The following SP110 variants were observed in gnomAD, a reference collection of about 807,000 sequenced individuals.
The protein encoded by SP110 is interferon-induced protein 41, 30kD.
Under a neutral mutation model 92.7 loss-of-function variants are expected in SP110, and 62 were observed. That is an observed-to-expected ratio of 0.67 (90% CI 0.55 to 0.83). The LOEUF (loss-of-function observed/expected upper bound fraction) is 0.83, where lower values mean the gene tolerates loss of function less well. Among genes scored for constraint, SP110 ranks in the 40% least tolerant of loss-of-function variants. SP110 has a pLI of 0.00. For missense variants in SP110, 793 were observed against 863.9 expected (o/e 0.92, Z 1.03); for synonymous variants, 273 against 305.3 (o/e 0.89, Z 1.10).
chr2:230,212,822 G>T lies in SP110; in HGVS notation c.522C>A (p.Pro174=), dbSNP rs144428054. 6 of 1,613,962 alleles carry T rather than the reference G, an allele frequency of 3.7e-6. No homozygotes were observed. The African/African-American group carries it at 8.0e-5, about 22-fold the overall frequency. Residue 174 remains proline (P), a synonymous_variant, in exon 4 of 19, where the codon CCC becomes CCA. Transcript: ENST00000258381. ...GAGGCAGGACAGGGTCAGATGGGCT[G>T]GGCGACTCACTCAGGATCTCATCGC... ...QQSDEILSES[P]SPSDPVLPLP...
chr2:230,172,564 C>T (rs1000152382), intron 15 of SP110: 2 of 532,420 alleles, frequency 3.8e-6, no homozygotes, highest in Admixed American at 3.1e-5. Context: ...TGTCTTTCCT[C>T]AACAGGCACA....
chr2:230,193,921 C>A (rs2042748337), intron 10 of SP110, among the ~76,000 whole-genome samples: 1 of 152,112 alleles, frequency 6.6e-6, no homozygotes, highest in South Asian at 2.1e-4. Context: ...TTACCTGTAC[C>A]TATCAAAAGA....
intron 14 of SP110, 132 bp downstream of exon 14, chr2:230,177,406 C>T: frequency 3.0e-6 from 3 of 1,005,132 alleles, no homozygotes; most frequent in Admixed American, 3.7e-5. Context: ...AGTTTTTTTT[C>T]TATGAACATT....
chr2:230,185,656 T>C (rs913066467), intron 11 of SP110, among the ~76,000 whole-genome samples: 1 of 152,248 alleles, frequency 6.6e-6, no homozygotes, highest in African/African-American at 2.4e-5. Context: ...ACTTTGAGGA[T>C]TGGTGCCACT....
chr2:230,190,600 C>G (rs2042577738), intron 10 of SP110, among the ~76,000 whole-genome samples: 1 of 152,038 alleles, frequency 6.6e-6, no homozygotes, highest in Non-Finnish European at 1.5e-5. Flanking sequence ...GTTGTAATAG[C>G]TTTTGGCTTT....
chr2:230,206,811 C>T (rs940386022), intron 8 of SP110, among the ~76,000 whole-genome samples: 4 of 151,634 alleles, frequency 2.6e-5, no homozygotes, highest in African/African-American at 9.7e-5. Context: ...CTTCCCACAC[C>T]ATGAGAATTA....
chr2:230,184,812 A>T, intron 11 of SP110, among the ~76,000 whole-genome samples: 1 of 152,192 alleles, frequency 6.6e-6, no homozygotes, highest in Admixed American at 6.5e-5. Context: ...ATTGGTAACG[A>T]TAGGCTAGGT....
At chr2:230,192,591 C>G (rs553368983) in intron 10 of SP110, among the ~76,000 whole-genome samples, 1 of 152,096 alleles carries the variant, frequency 6.6e-6, no homozygotes, top group Admixed American at 6.5e-5. Context: ...TGGGAAGGAC[C>G]TCTTCAAGGA....
chr2:230,191,035 A>G (rs2042605551), intron 10 of SP110, among the ~76,000 whole-genome samples: 1 of 152,136 alleles, frequency 6.6e-6, no homozygotes, highest in African/African-American at 2.4e-5. Flanking sequence ...TCCTAGCTAT[A>G]TGGGATCTTC....
upstream of SP110, among the ~76,000 whole-genome samples, chr2:230,222,135 C>T (rs2045874308): frequency 6.6e-6 from 1 of 150,870 alleles, no homozygotes; most frequent in Admixed American, 6.6e-5. Flanking sequence ...GAGGCTGAGG[C>T]ATGAGAATCG....
At chr2:230,191,510 C>T (rs950661288) in intron 10 of SP110, among the ~76,000 whole-genome samples, 6 of 152,136 alleles carry the variant, frequency 3.9e-5, no homozygotes, top group African/African-American at 1.4e-4. Flanking sequence ...AACACCTCTA[C>T]ACAAATGAAC....
rs770221511 is a variant in SP110, at chr2:230,202,708, C to T, written c.919G>A (p.Gly307Arg). 14 of 1,614,024 alleles carry T rather than the reference C, an allele frequency of 8.7e-6. No individual in the cohort carries two copies. Among genetic ancestry groups the T allele is most frequent in the Non-Finnish European group, 1.2e-5 (14 of 1,179,996 alleles). ...ACCCTTTTGAGCTTCTTTTGGATTC[C>T]GTGTCTAGATGAGGCTGTCCCTGGA... ...LPGGTASSRH[G>R]IQKKLKRVDQ... The change falls in exon 9 of 19, where the codon GGA (glycine) becomes AGA (arginine). Residue 307 changes from glycine (G) to arginine (R), a missense_variant. By Grantham distance (125) the Gly-to-Arg change is moderately radical. Transcript: ENST00000258381.
At chr2:230,195,286 A>C (rs1217417768) in intron 10 of SP110, among the ~76,000 whole-genome samples, 6 of 152,130 alleles carry the variant, frequency 3.9e-5, no homozygotes, top group Non-Finnish European at 4.4e-5. Flanking sequence ...TAGGGGATTG[A>C]ATAAAGATGG....
At chr2:230,209,796 A>C in intron 7 of SP110, 135 bp downstream of exon 7, 1 of 713,694 alleles carries the variant, frequency 1.4e-6, no homozygotes, top group Non-Finnish European at 2.5e-6. Flanking sequence ...AGCAAATGGA[A>C]ACTGCAGAAA....
In SP110 at chr2:230,186,013, G is replaced by T; in HGVS notation, c.1260C>A (p.Ala420=). Residue 420 remains alanine, a synonymous_variant, in exon 11 of 19, where the codon GCC becomes GCA. Transcript: ENST00000258381. ...MRVQKARTKC[A]RKSRLKEKKK... ...CCTTACCTTTCAATCTGGACTTTCG[G>T]GCACATTTAGTTCTTGCCTTTTGGA... 1 of 1,614,024 alleles carries T rather than the reference G, an allele frequency of 6.2e-7. No individual in the cohort carries two copies. The highest frequency in any genetic ancestry group is 8.5e-7 in the Non-Finnish European group (1 of 1,179,948).
chr2:230,184,244 C>A (rs1425447746), intron 11 of SP110, among the ~76,000 whole-genome samples: 1 of 152,142 alleles, frequency 6.6e-6, no homozygotes, highest in Non-Finnish European at 1.5e-5. Context: ...TAACTGAAAT[C>A]ATGGATCAAA....
intron 18 of SP110, 30 bp downstream of exon 18, chr2:230,170,591 C>A: frequency 6.2e-7 from 1 of 1,613,534 alleles, no homozygotes; most frequent in Non-Finnish European, 8.5e-7. Flanking sequence ...GTAGAAAAGA[C>A]GCAAAAAGGA....
rs2042468821 is a variant in SP110, at chr2:230,188,629, T to C, written c.1130-2486A>G. 2.0e-5 allele frequency among the ~76,000 whole-genome samples: 3 copies of C among 152,348 alleles called. No homozygotes were observed. The South Asian group carries it at 6.2e-4, about 32-fold the overall frequency. Reference sequence around the variant, plus strand: ...TATCACATTGGCTGTGGGTTTGTCATATATGACTTTTATAACTTTGAGGTA... The same window carrying C: ...TATCACATTGGCTGTGGGTTTGTCACATATGACTTTTATAACTTTGAGGTA... On this transcript the variant is annotated intron_variant, in intron 10 of 18. Coordinates refer to ENST00000258381, the MANE Select transcript of SP110 (RefSeq NM_080424.4).
Position 230,168,917 on chromosome 2 carries a change from A to T in SP110, c.*207T>A, listed in dbSNP as rs201368960. ...ATCTGATGGTATTAAGGAAGTATTAATTTTTTTTTTTTTTAGTGTAGATAT... is the reference window on the plus strand; with the variant it reads ...ATCTGATGGTATTAAGGAAGTATTATTTTTTTTTTTTTTTAGTGTAGATAT... On this transcript the variant is annotated 3_prime_UTR_variant, in exon 19 of 19. Coordinates refer to ENST00000258381, the MANE Select transcript of SP110 (RefSeq NM_080424.4). 4.7e-6 allele frequency: 2 copies of T among 424,728 alleles called. No individual in the cohort carries two copies. Among genetic ancestry groups the T allele is most frequent in the Non-Finnish European group, 8.8e-6 (2 of 227,160 alleles). The allele number at this position is 424,728 out of a possible 1,614,324, so 26.3% of individuals were successfully genotyped here.
Sources: gnomAD v4.1 joint callset for allele counts (sites outside exome capture counted in the v4.1 genomes callset) on GRCh38, gnomAD v4.1.1 for gene constraint, MANE v1.5 for transcripts, NCBI Gene and HGNC (gene_info 2026-07-23, HGNC 2026-07-21) for gene names.